ARHGAP32: variants seen among roughly 807,000 people sequenced by gnomAD.
ARHGAP32 encodes rho GTPase-activating protein 32.
ARHGAP32 carries 51 observed loss-of-function variants against 186.5 expected under a neutral mutation model. The observed-to-expected ratio is 0.27, with a 90% CI of 0.22 to 0.35. The LOEUF is 0.35. Ranked by LOEUF, ARHGAP32 falls within the 10% of genes least tolerant of loss-of-function variation. ARHGAP32 has a pLI of 1.00. For missense variants in ARHGAP32, 2,186 were observed against 2,623.5 expected, an observed-to-expected ratio of 0.83 and a Z score of 3.64; for synonymous variants, 950 against 964.3, an observed-to-expected ratio of 0.99 and a Z score of 0.27.
At chr11:128,973,957 G>T (rs3796668) in intron 21 of ARHGAP32, 167 bp downstream of exon 21, 479,069 of 763,066 alleles carry the variant, frequency 0.63, 152,138 homozygotes, top group Middle Eastern at 0.67. Context: ...GAGTTTTGTT[G>T]GACTGCTTTT....
At chr11:129,232,159 A>G (rs927197531) in intron 1 of ARHGAP32, among the ~76,000 whole-genome samples, 1 of 151,940 alleles carries the variant, frequency 6.6e-6, no homozygotes, top group African/African-American at 2.4e-5. Flanking sequence ...CTTTGTATTA[A>G]TCTTGGTCCC....
At position 128,981,630 on chromosome 11, in the gene ARHGAP32, G is replaced by A. The variant is rs1161315923; in HGVS notation, c.1635-69C>T. On this transcript the variant is annotated intron_variant, in intron 16 of 22. Transcript: ENST00000682385. ...TCGTCAAGGGCCTCTTTTTTTAAAC[G>A]TGTAAATCTCAGACAAACAGAGGAA... 17 of 1,488,850 alleles carry A rather than the reference G, an allele frequency of 1.1e-5. No homozygotes were observed. In the East Asian group the frequency reaches 1.6e-4, roughly 14 times the overall value. 92.2% of individuals were successfully genotyped at this position (1,488,850 alleles called of 1,614,324 possible). A position where few individuals can be genotyped will look rare whatever the true frequency, so the allele number is the denominator to read the frequency against.
intron 2 of ARHGAP32, among the ~76,000 whole-genome samples, chr11:129,125,578 G>A (rs549154842): frequency 2.7e-4 from 41 of 152,096 alleles, no homozygotes; most frequent in African/African-American, 9.9e-4. Context: ...CAATAGGGGC[G>A]AATAATGTGA....
intron 5 of ARHGAP32, among the ~76,000 whole-genome samples, chr11:129,100,286 C>CAGTT (rs1385070430): frequency 3.3e-5 from 5 of 152,214 alleles, no homozygotes; most frequent in Non-Finnish European, 7.3e-5. Context: ...CAGATGGGGC[C>CAGTT]AGTTCAATCT....
Position 129,264,504 on chromosome 11 carries a change from A to G in ARHGAP32, c.-5+14642T>C, listed in dbSNP as rs1189162925. 2.6e-5 allele frequency among the ~76,000 whole-genome samples: 4 copies of G among 152,224 alleles called. No homozygotes were observed. The South Asian group carries it at 6.2e-4, about 24-fold the overall frequency. On this transcript the variant is annotated intron_variant, in intron 1 of 6. Coordinates refer to the ARHGAP32 transcript ENST00000525234. Reference sequence around the variant, plus strand: ...GCTTAGAAGAGTTCGTAGCATGTCCATAACAATTAAACAGTTAGCAATAAC... The same window carrying G: ...GCTTAGAAGAGTTCGTAGCATGTCCGTAACAATTAAACAGTTAGCAATAAC...
intron 1 of ARHGAP32, among the ~76,000 whole-genome samples, chr11:129,242,717 CAA>C (rs1041530601): frequency 1.1e-4 from 12 of 110,910 alleles, no homozygotes; most frequent in Admixed American, 1.9e-4. Context: ...GACTCCACCT[CAA>C]AAAAAAAAAA....
chr11:129,174,712 C>A (rs1298491186), intron 1 of ARHGAP32, among the ~76,000 whole-genome samples: 3 of 152,152 alleles, frequency 2.0e-5, no homozygotes, highest in Non-Finnish European at 4.4e-5. Context: ...GGTACTCCCA[C>A]AGACCTGCAG....
intron 12 of ARHGAP32, among the ~76,000 whole-genome samples, chr11:128,996,860 A>G (rs1197352058): frequency 1.3e-5 from 2 of 151,800 alleles, no homozygotes; most frequent in Non-Finnish European, 2.9e-5. Flanking sequence ...CAGCTTACCG[A>G]CCCCCACCTC....
chr11:129,095,005 G>A (rs1241780138), intron 5 of ARHGAP32, among the ~76,000 whole-genome samples: 1 of 152,090 alleles, frequency 6.6e-6, no homozygotes, highest in African/African-American at 2.4e-5. Flanking sequence ...TGAAGTACAA[G>A]GTTGATGAAG....
chr11:129,053,485 T>C (rs1940134879), intron 10 of ARHGAP32, among the ~76,000 whole-genome samples: 1 of 152,160 alleles, frequency 6.6e-6, no homozygotes, highest in African/African-American at 2.4e-5. Context: ...TAGAAAAATC[T>C]ATGATTCACA....
At chr11:129,166,881 C>T (rs1056404446) in intron 1 of ARHGAP32, among the ~76,000 whole-genome samples, 2 of 151,978 alleles carry the variant, frequency 1.3e-5, no homozygotes, top group African/African-American at 4.8e-5. Flanking sequence ...ACAATATATA[C>T]ACATTAAAAA....
At chr11:129,226,609 A>AT (rs1287050338) in intron 1 of ARHGAP32, among the ~76,000 whole-genome samples, 1 of 152,212 alleles carries the variant, frequency 6.6e-6, no homozygotes, top group Admixed American at 6.5e-5. Context: ...AACAAGACAC[A>AT]TAAAAAACTA....
chr11:128,971,058 C>T lies in ARHGAP32; in HGVS notation c.4155G>A (p.Gln1385=). The change falls in exon 23 of 23, where the codon CAG becomes CAA. Residue 1385 remains glutamine, a synonymous_variant. Coordinates refer to ENST00000682385, the MANE Select transcript of ARHGAP32 (RefSeq NM_001378024.1). ...FISDSGAAAA[Q]CPMATAVQPG... Reference sequence around the variant, plus strand: ...GCTGGACAGCTGTAGCCATGGGACACTGAGCAGCAGCAGCACCACTGTCAC... The same window carrying T: ...GCTGGACAGCTGTAGCCATGGGACATTGAGCAGCAGCAGCACCACTGTCAC... 1 of 1,614,154 alleles carries T rather than the reference C, an allele frequency of 6.2e-7. No individual in the cohort carries two copies. Among genetic ancestry groups the T allele is most frequent in the Non-Finnish European group, 8.5e-7 (1 of 1,180,042 alleles).
At chr11:129,256,789 T>C (rs1945260607) in intron 1 of ARHGAP32, among the ~76,000 whole-genome samples, 1 of 152,156 alleles carries the variant, frequency 6.6e-6, no homozygotes, top group Non-Finnish European at 1.5e-5. Flanking sequence ...CAAACTATAG[T>C]GGCTTAAGAT....
chr11:129,012,242 A>C (rs1009614889), intron 11 of ARHGAP32, among the ~76,000 whole-genome samples: 14 of 152,254 alleles, frequency 9.2e-5, no homozygotes, highest in African/African-American at 3.4e-4. Flanking sequence ...AACTTTATAC[A>C]TATTGTGGGA....
At chr11:129,143,451 C>A (rs1278244324) in intron 2 of ARHGAP32, among the ~76,000 whole-genome samples, 11 of 152,188 alleles carry the variant, frequency 7.2e-5, no homozygotes, top group African/African-American at 2.4e-4. Flanking sequence ...CACAGTCCCG[C>A]ACCGCCCCAC....
chr11:129,252,649 C>T (rs1945200466), intron 1 of ARHGAP32, among the ~76,000 whole-genome samples: 1 of 152,138 alleles, frequency 6.6e-6, no homozygotes, highest in Non-Finnish European at 1.5e-5. Flanking sequence ...TACAATTTTG[C>T]TACGTGAATT....
chr11:129,257,802 C>T (rs1945273708), intron 1 of ARHGAP32, among the ~76,000 whole-genome samples: 1 of 151,896 alleles, frequency 6.6e-6, no homozygotes, highest in African/African-American at 2.4e-5. Context: ...TCAGTCTACC[C>T]CTTCTGACCC....
chr11:129,258,236 G>C (rs1945280084), intron 1 of ARHGAP32, among the ~76,000 whole-genome samples: 1 of 152,084 alleles, frequency 6.6e-6, no homozygotes, highest in African/African-American at 2.4e-5. Context: ...TCAGAGGAGA[G>C]AATTTAATCA....
Sources: gnomAD v4.1 joint callset for allele counts (sites outside exome capture counted in the v4.1 genomes callset) on GRCh38, gnomAD v4.1.1 for gene constraint, MANE v1.5 for transcripts, NCBI Gene and HGNC (gene_info 2026-07-23, HGNC 2026-07-21) for gene names.